Variants in ZNF385D observed in about 807,000 individuals in gnomAD.
ZNF385D encodes zinc finger protein 659.
Under a neutral mutation model 35.8 loss-of-function variants are expected in ZNF385D, and 15 were observed. The observed-to-expected ratio is 0.42, with a 90% CI of 0.28 to 0.64. ZNF385D has a LOEUF of 0.64. Among genes scored for constraint, ZNF385D ranks in the 30% least tolerant of loss-of-function variants. ZNF385D has a pLI of 0.23. For missense variants in ZNF385D, 474 were observed against 494.6 expected, an observed-to-expected ratio of 0.96 and a Z score of 0.39; for synonymous variants, 212 against 186.8, an observed-to-expected ratio of 1.13 and a Z score of -1.10.
At chr3:21,969,103 G>T (rs1703084695) in intron 3 of ZNF385D, among the ~76,000 whole-genome samples, 1 of 152,168 alleles carries the variant, frequency 6.6e-6, no homozygotes, top group Non-Finnish European at 1.5e-5. Context: ...CTGTGGTAGT[G>T]GTGGTCATAG....
intron 3 of ZNF385D, among the ~76,000 whole-genome samples, chr3:21,929,778 CAAAT>C (rs1559764107): frequency 2.6e-5 from 4 of 151,888 alleles, no homozygotes. Flanking sequence ...CTGAAAACTA[CAAAT>C]AATACTGTAA....
chr3:22,145,452 T>G (rs1576398077), intron 3 of ZNF385D, among the ~76,000 whole-genome samples: 1 of 152,230 alleles, frequency 6.6e-6, no homozygotes, highest in African/African-American at 2.4e-5. Context: ...GAACTACCAA[T>G]GCTCTTTACA....
intron 3 of ZNF385D, among the ~76,000 whole-genome samples, chr3:22,045,863 G>A (rs73051860): frequency 6.6e-6 from 1 of 152,102 alleles, no homozygotes; most frequent in Non-Finnish European, 1.5e-5. Context: ...CAAAACTCGA[G>A]CTCTTTGCCA....
At chr3:22,045,242 T>C (rs996990454) in intron 3 of ZNF385D, among the ~76,000 whole-genome samples, 1 of 152,186 alleles carries the variant, frequency 6.6e-6, no homozygotes, top group African/African-American at 2.4e-5. Flanking sequence ...TATTTAAGTC[T>C]TTGATCCATT....
At chr3:21,433,120 C>T (rs1275491941) in intron 5 of ZNF385D, among the ~76,000 whole-genome samples, 1 of 152,104 alleles carries the variant, frequency 6.6e-6, no homozygotes, top group African/African-American at 2.4e-5. Context: ...TAGAAATGTT[C>T]TCTGCATATC....
At position 21,870,693 on chromosome 3, in the gene ZNF385D, T is replaced by G. The variant is rs559477388; in HGVS notation, c.326-205665A>C. Among the ~76,000 whole-genome samples the G allele has an allele frequency of 3.9e-5, 6 of 152,268 alleles. No homozygotes were observed. In the East Asian group the frequency reaches 1.2e-3, roughly 29 times the overall value. The stretch of plus-strand genomic sequence containing the variant: ...GTATGCATGATAATTTTATAAACAC[T>G]TTTATAGATAGGTAGATAGGCGTGC... On this transcript the variant is annotated intron_variant, in intron 3 of 5. Transcript: ENST00000494108.
intron 2 of ZNF385D, among the ~76,000 whole-genome samples, chr3:22,174,439 T>C (rs140057457): frequency 7.9e-4 from 120 of 152,280 alleles, no homozygotes; most frequent in Middle Eastern, 3.4e-3. Flanking sequence ...TAAACCACAG[T>C]GTAAGTAGTT....
chr3:21,652,512 T>C (rs1218950471), intron 2 of ZNF385D, among the ~76,000 whole-genome samples: 1 of 152,166 alleles, frequency 6.6e-6, no homozygotes, highest in Non-Finnish European at 1.5e-5. Flanking sequence ...TTAGGATACA[T>C]GTGCACAATG....
chr3:22,023,606 T>G (rs1219733102), intron 3 of ZNF385D, among the ~76,000 whole-genome samples: 1 of 152,122 alleles, frequency 6.6e-6, no homozygotes, highest in Admixed American at 6.6e-5. Context: ...TGGAGAGAAT[T>G]TAATCAAAAC....
chr3:21,455,143 G>A (rs1702714905), intron 4 of ZNF385D, among the ~76,000 whole-genome samples: 1 of 152,128 alleles, frequency 6.6e-6, no homozygotes, highest in Non-Finnish European at 1.5e-5. Context: ...TCAATATCGT[G>A]AAAATGGCCA....
intron 3 of ZNF385D, among the ~76,000 whole-genome samples, chr3:21,886,631 T>C (rs1391427251): frequency 6.6e-6 from 1 of 152,112 alleles, no homozygotes; most frequent in Non-Finnish European, 1.5e-5. Context: ...TGCTACATTG[T>C]CTGTACTGAA....
At chr3:22,207,744 G>A (rs988721615) in intron 2 of ZNF385D, among the ~76,000 whole-genome samples, 1 of 151,856 alleles carries the variant, frequency 6.6e-6, no homozygotes, top group African/African-American at 2.4e-5. Flanking sequence ...AACTCTACAG[G>A]AATAAAATCT....
intron 3 of ZNF385D, among the ~76,000 whole-genome samples, chr3:21,955,567 G>T (rs9810225): frequency 1.2e-4 from 18 of 152,052 alleles, no homozygotes; most frequent in African/African-American, 3.6e-4. Flanking sequence ...CTGAAGCCTG[G>T]GTGAGGAAAC....
chr3:22,164,948 T>G lies in ZNF385D; in HGVS notation c.325+3869A>C, dbSNP rs112250517. 2.2e-3 allele frequency among the ~76,000 whole-genome samples: 335 copies of G among 152,274 alleles called. 2 individuals are homozygous for G. The highest frequency in any genetic ancestry group is 3.3e-3 in the Non-Finnish European group (224 of 68,008). On this transcript the variant is annotated intron_variant, in intron 3 of 5. Coordinates refer to the ZNF385D transcript ENST00000494108. Reference sequence around the variant, plus strand: ...TACATAGTATGTAATTCAAACTTTATGATATTCTGAAAAAGTCAAAACCAT... The same window carrying G: ...TACATAGTATGTAATTCAAACTTTAGGATATTCTGAAAAAGTCAAAACCAT...
At chr3:22,078,599 C>G (rs768089711) in intron 3 of ZNF385D, among the ~76,000 whole-genome samples, 2 of 151,996 alleles carry the variant, frequency 1.3e-5, no homozygotes, top group Admixed American at 6.6e-5. Flanking sequence ...ACAACAAAAG[C>G]AGTAATGCCT....
At chr3:21,976,387 G>C (rs1576058728) in intron 3 of ZNF385D, among the ~76,000 whole-genome samples, 1 of 152,106 alleles carries the variant, frequency 6.6e-6, no homozygotes, top group African/African-American at 2.4e-5. Context: ...AAATGACCAA[G>C]TGGAGAATGA....
chr3:21,655,006 T>C (rs970151039), intron 2 of ZNF385D, among the ~76,000 whole-genome samples: 3 of 152,082 alleles, frequency 2.0e-5, no homozygotes, highest in Non-Finnish European at 4.4e-5. Context: ...CTTTCATCTG[T>C]ACTTAGTTGT....
intron 3 of ZNF385D, among the ~76,000 whole-genome samples, chr3:22,005,335 G>C (rs1386493944): frequency 6.6e-6 from 1 of 151,976 alleles, no homozygotes; most frequent in Non-Finnish European, 1.5e-5. Context: ...TACACTGTCA[G>C]TGGAAATATA....
At chr3:22,099,915 A>G (rs1222229222) in intron 3 of ZNF385D, among the ~76,000 whole-genome samples, 1 of 55,004 alleles carries the variant, frequency 1.8e-5, no homozygotes, top group Non-Finnish European at 5.1e-5. Context: ...AACCTTTATC[A>G]AAAATGTCAG....
Sources: allele counts gnomAD v4.1 joint callset (sites outside exome capture counted in the v4.1 genomes callset), GRCh38; gene constraint gnomAD v4.1.1; transcripts MANE v1.5; gene names NCBI Gene and HGNC (gene_info 2026-07-23, HGNC 2026-07-21).